The following RPS6KA2 variants were observed in gnomAD, a reference collection of about 807,000 sequenced individuals.
RPS6KA2 encodes the protein ribosomal protein S6 kinase A2, also known as ribosomal protein S6 kinase alpha-2.
In RPS6KA2, 42 loss-of-function variants were observed where a neutral mutation model predicts 91.8. The observed-to-expected ratio is 0.46, with a 90% CI of 0.36 to 0.59. The LOEUF is 0.59. RPS6KA2 is among the 20% of genes least tolerant of loss of function. The probability of loss-of-function intolerance (pLI) is 0.00; values close to 1 mark genes in which losing one functional copy is unlikely to be tolerated. For missense variants in RPS6KA2, 798 were observed against 978.5 expected (o/e 0.82, Z 2.46); for synonymous variants, 414 against 393.6 (o/e 1.05, Z -0.61).
chr6:166,801,411 T>C (rs1382679979), intron 2 of RPS6KA2, among the ~76,000 whole-genome samples: 1 of 152,206 alleles, frequency 6.6e-6, no homozygotes, highest in Non-Finnish European at 1.5e-5. Flanking sequence ...AGTGCAATCA[T>C]AGCTCACTGC....
At chr6:166,673,662 A>G (rs1005609694) in intron 2 of RPS6KA2, among the ~76,000 whole-genome samples, 1 of 152,274 alleles carries the variant, frequency 6.6e-6, no homozygotes, top group Non-Finnish European at 1.5e-5. Flanking sequence ...GGCGGCACGC[A>G]GCCCAGGTCA....
chr6:166,653,002 GC>G (rs1307322573), intron 2 of RPS6KA2, among the ~76,000 whole-genome samples: 1 of 152,196 alleles, frequency 6.6e-6, no homozygotes, highest in Non-Finnish European at 1.5e-5. Context: ...TCCCAGGGTA[GC>G]CCCGGGCCAC....
chr6:166,700,491 CAA>C (rs539107212), intron 2 of RPS6KA2, among the ~76,000 whole-genome samples: 4 of 147,132 alleles, frequency 2.7e-5, no homozygotes, highest in African/African-American at 5.0e-5. Flanking sequence ...ATAAAATTTT[CAA>C]AAAAAAAAGA....
At chr6:166,674,707 T>C (rs1788571162) in intron 2 of RPS6KA2, among the ~76,000 whole-genome samples, 1 of 152,242 alleles carries the variant, frequency 6.6e-6, no homozygotes, top group Admixed American at 6.5e-5. Context: ...CTCACTCTGT[T>C]GCCCACAATG....
intron 2 of RPS6KA2, among the ~76,000 whole-genome samples, chr6:166,708,198 T>G (rs1309878977): frequency 6.6e-6 from 1 of 152,258 alleles, no homozygotes; most frequent in Non-Finnish European, 1.5e-5. Context: ...AATATATTTT[T>G]GTCACTATGT....
rs78549017 is a variant in RPS6KA2 at position 166,734,490 on chromosome 6, A to G, written c.123+123710T>C. Among the ~76,000 whole-genome samples the G allele has an allele frequency of 5.1e-4, 77 of 152,126 alleles. 2 individuals are homozygous for G. The highest frequency in any genetic ancestry group is 1.8e-3 in the African/African-American group (74 of 41,480). On this transcript the variant is annotated intron_variant, in intron 2 of 21. Coordinates refer to the RPS6KA2 transcript ENST00000503859. ...TCTTACCATCCAATGGTATATAATT[A>G]CTCTGTGCTCACAAGCAGCGGCTGA...
chr6:166,786,495 A>C (rs989579216), intron 2 of RPS6KA2, among the ~76,000 whole-genome samples: 5 of 143,190 alleles, frequency 3.5e-5, no homozygotes, highest in Admixed American at 3.4e-4. Context: ...CGGATGCAAA[A>C]AAAAAAATTC....
chr6:166,750,276 G>A (rs1389678570), intron 2 of RPS6KA2, among the ~76,000 whole-genome samples: 2 of 152,190 alleles, frequency 1.3e-5, no homozygotes, highest in Admixed American at 6.5e-5. Context: ...TCTCCCCTGG[G>A]GGGGTGCTCA....
At chr6:166,723,368 CA>C in intron 2 of RPS6KA2, among the ~76,000 whole-genome samples, 1 of 152,258 alleles carries the variant, frequency 6.6e-6, no homozygotes, top group Non-Finnish European at 1.5e-5. Context: ...TTCCTCACCC[CA>C]GGGGGGTCCC....
chr6:166,742,540 G>A (rs539348320), intron 2 of RPS6KA2, among the ~76,000 whole-genome samples: 63 of 152,218 alleles, frequency 4.1e-4, no homozygotes, highest in Middle Eastern at 6.8e-3. Flanking sequence ...ACACAAACAC[G>A]AGGAGCTGTG....
chr6:166,762,755 G>A (rs956700631), intron 2 of RPS6KA2, among the ~76,000 whole-genome samples: 6 of 152,088 alleles, frequency 3.9e-5, no homozygotes, highest in East Asian at 1.9e-4. Context: ...CTTCTGCCCC[G>A]ACTTCTGGGA....
chr6:166,804,610 T>C (rs192433421), intron 2 of RPS6KA2, among the ~76,000 whole-genome samples: 7 of 152,296 alleles, frequency 4.6e-5, no homozygotes, highest in Non-Finnish European at 7.4e-5. Flanking sequence ...AGGCATTACA[T>C]AGAGTATTAT....
chr6:166,690,616 TC>T (rs1789177793), intron 2 of RPS6KA2, among the ~76,000 whole-genome samples: 2 of 152,120 alleles, frequency 1.3e-5, no homozygotes, highest in African/African-American at 4.8e-5. Context: ...GCCTTGGTTT[TC>T]CTCTCTGTGG....
chr6:166,637,101 A>G (rs1291135055), intron 2 of RPS6KA2, among the ~76,000 whole-genome samples: 1 of 152,108 alleles, frequency 6.6e-6, no homozygotes, highest in Non-Finnish European at 1.5e-5. Flanking sequence ...CCCAGGCAGG[A>G]TGACTTTGTG....
chr6:166,532,826 T>A (rs79032525), intron 2 of RPS6KA2, among the ~76,000 whole-genome samples: 2,071 of 149,510 alleles, frequency 0.014, 57 homozygotes, highest in African/African-American at 0.046. Context: ...GTGTGGAGTG[T>A]GAGAGAGAGA....
intron 2 of RPS6KA2, among the ~76,000 whole-genome samples, chr6:166,773,337 C>T (rs1468057324): frequency 6.6e-6 from 1 of 152,184 alleles, no homozygotes; most frequent in Non-Finnish European, 1.5e-5. Context: ...AGAGCCCCCA[C>T]AGGAAATCCT....
At chr6:166,498,290 C>T (rs1014048668) in intron 8 of RPS6KA2, among the ~76,000 whole-genome samples, 18 of 152,260 alleles carry the variant, frequency 1.2e-4, no homozygotes, top group African/African-American at 4.1e-4. Context: ...GTCTGCGTTT[C>T]TGCGTTCTCG....
At chr6:166,577,783 A>G (rs1015810534) in intron 1 of RPS6KA2, among the ~76,000 whole-genome samples, 3 of 152,154 alleles carry the variant, frequency 2.0e-5, no homozygotes, top group Non-Finnish European at 2.9e-5. Flanking sequence ...TGGTTTTGAA[A>G]TGTGAGGACA....
At chr6:166,826,643 C>T (rs1420259150) in intron 2 of RPS6KA2, among the ~76,000 whole-genome samples, 1 of 152,206 alleles carries the variant, frequency 6.6e-6, no homozygotes, top group Non-Finnish European at 1.5e-5. Flanking sequence ...GCTAGGCTTA[C>T]CATAGCTAGG....
Sources: allele counts gnomAD v4.1 joint callset (sites outside exome capture counted in the v4.1 genomes callset), GRCh38; gene constraint gnomAD v4.1.1; transcripts MANE v1.5; gene names NCBI Gene and HGNC (gene_info 2026-07-23, HGNC 2026-07-21).